Variants in NCOR2 observed in about 807,000 individuals in gnomAD.
NCOR2 encodes the protein CTG repeat protein 26.
Under a neutral mutation model 262.9 loss-of-function variants are expected in NCOR2, and 81 were observed. That is an observed-to-expected ratio of 0.31 (90% CI 0.26 to 0.37). The LOEUF (loss-of-function observed/expected upper bound fraction) is 0.37. NCOR2 is among the 10% of genes least tolerant of loss of function. The pLI is 1.00. For synonymous variants in NCOR2, 1,659 were observed against 1,559.3 expected (o/e 1.06, Z -1.51); for missense variants, 3,385 against 3,621.4 (o/e 0.93, Z 1.68).
At position 124,512,253 on chromosome 12, in the gene NCOR2, G is replaced by A. The variant is rs549744610; in HGVS notation, c.-117-16885C>T. Among the ~76,000 whole-genome samples, 3 of 152,336 alleles carry A rather than the reference G, an allele frequency of 2.0e-5. No homozygotes were observed. The East Asian group carries it at 5.8e-4, about 29-fold the overall frequency. On this transcript the variant is annotated intron_variant, in intron 1 of 46. Transcript: ENST00000404621. ...TCTCTAACAGTTCTGGAGCCTGGAAGTCCAAAATCAAGGCGTCAGCAGGAC... is the reference window on the plus strand; with the variant it reads ...TCTCTAACAGTTCTGGAGCCTGGAAATCCAAAATCAAGGCGTCAGCAGGAC...
At chr12:124,349,986 C>T (rs1174039473) in intron 28 of NCOR2, among the ~76,000 whole-genome samples, 5 of 152,180 alleles carry the variant, frequency 3.3e-5, no homozygotes, top group East Asian at 1.9e-4. Context: ...CGGGCACAGG[C>T]GGAAGTGGAT....
chr12:124,374,711 C>A (rs1169011696), intron 18 of NCOR2, among the ~76,000 whole-genome samples: 1 of 152,264 alleles, frequency 6.6e-6, no homozygotes, highest in Non-Finnish European at 1.5e-5. Flanking sequence ...CTGTTCAAGG[C>A]CAGCCAATAA....
At chr12:124,496,480 G>A (rs2048387881), upstream of NCOR2, among the ~76,000 whole-genome samples, 1 of 152,176 alleles carries the variant, frequency 6.6e-6, no homozygotes, top group African/African-American at 2.4e-5. The surrounding 1 kb of genome is among the most constrained non-coding windows in gnomAD (Gnocchi z 4.4). Context: ...CTGGATGTGG[G>A]CCTCCAGTGG....
At chr12:124,392,088 C>G (rs1467174136) in intron 16 of NCOR2, among the ~76,000 whole-genome samples, 1 of 152,222 alleles carries the variant, frequency 6.6e-6, no homozygotes, top group Non-Finnish European at 1.5e-5. Context: ...TCGTGAGCAC[C>G]AGCCACGCCA....
chr12:124,334,391 G>A (rs1399417006), intron 41 of NCOR2, 33 bp downstream of exon 43: 15 of 1,488,248 alleles, frequency 1.0e-5, no homozygotes, highest in Non-Finnish European at 1.4e-5. Flanking sequence ...CCCGCCGGCT[G>A]ACCAGCAAGA....
intron 5 of NCOR2, among the ~76,000 whole-genome samples, chr12:124,460,477 C>A (rs1040571558): frequency 1.1e-4 from 16 of 152,226 alleles, no homozygotes; most frequent in African/African-American, 3.9e-4. Context: ...GGGCCCAGCA[C>A]AGGGTTGAGG....
At chr12:124,558,273 C>T (rs1048567011) in intron 1 of NCOR2, among the ~76,000 whole-genome samples, 3 of 151,236 alleles carry the variant, frequency 2.0e-5, no homozygotes, top group African/African-American at 4.9e-5. Context: ...CCCACCCCCC[C>T]TCCAGACCTG....
intron 16 of NCOR2, chr12:124,388,813 T>C (rs2041029198): frequency 1.5e-6 from 2 of 1,291,840 alleles, no homozygotes; most frequent in African/African-American, 1.5e-5. Context: ...AGGCTGCTGG[T>C]TGGCGTCTGC....
chr12:124,362,241 A>AGCT, exon 22 of NCOR2: 1 of 1,313,248 alleles, frequency 7.6e-7, no homozygotes, highest in Non-Finnish European at 9.7e-7. Context: ...GGGCTGGGGG[A>AGCT]GCTGGCTTGG....
intron 3 of NCOR2, among the ~76,000 whole-genome samples, chr12:124,475,276 C>A (rs2047046950): frequency 6.6e-6 from 1 of 152,176 alleles, no homozygotes; most frequent in Admixed American, 6.5e-5. Flanking sequence ...CCCCCAGGGA[C>A]ACCTAGAAAT....
chr12:124,484,665 GC>G (rs1288885384), intron 2 of NCOR2, among the ~76,000 whole-genome samples: 1 of 152,180 alleles, frequency 6.6e-6, no homozygotes, highest in Non-Finnish European at 1.5e-5. Context: ...GAGACCTCAG[GC>G]CCTCCATGTG....
intron 13 of NCOR2, among the ~76,000 whole-genome samples, chr12:124,404,078 G>T (rs562532630): frequency 6.6e-6 from 1 of 152,232 alleles, no homozygotes; most frequent in Non-Finnish European, 1.5e-5. Context: ...CAAACGTAAC[G>T]TTTAAACAGC....
At chr12:124,444,899 C>T (rs920426041) in intron 7 of NCOR2, among the ~76,000 whole-genome samples, 3 of 152,076 alleles carry the variant, frequency 2.0e-5, no homozygotes, top group Non-Finnish European at 2.9e-5. Flanking sequence ...GCAGTTAGGA[C>T]TGGTCTAGGA....
Position 124,400,490 on chromosome 12 carries a change from C to A in NCOR2, c.1813+11G>T. The A allele has an allele frequency of 6.2e-7, 1 of 1,608,812 alleles. No homozygotes were observed. Among genetic ancestry groups the A allele is most frequent in the Non-Finnish European group, 8.5e-7 (1 of 1,176,152 alleles). ...CCCCTTCCCCACCCGCATCCCTGGC[C>A]CCCAGCTCACCCAGCTCGGCGCTCT... On this transcript the variant is annotated intron_variant, in intron 15 of 46. Coordinates refer to ENST00000405201, the Ensembl canonical transcript of NCOR2.
chr12:124,425,139 C>T (rs2043458680), intron 11 of NCOR2, among the ~76,000 whole-genome samples: 1 of 152,152 alleles, frequency 6.6e-6, no homozygotes. Context: ...CTTTGGGAGG[C>T]CGAGACGGGC....
chr12:124,466,527 G>A (rs1182846297), intron 4 of NCOR2, among the ~76,000 whole-genome samples: 1 of 152,144 alleles, frequency 6.6e-6, no homozygotes, highest in Admixed American at 6.5e-5. Flanking sequence ...TTCGTGACTT[G>A]CCAGCCAGGG....
intron 5 of NCOR2, among the ~76,000 whole-genome samples, chr12:124,459,641 C>T (rs536644536): frequency 3.3e-5 from 5 of 152,314 alleles, no homozygotes; most frequent in South Asian, 4.1e-4. Context: ...TCTGCAAGGA[C>T]GTTCTGCAGG....
intron 1 of NCOR2, among the ~76,000 whole-genome samples, chr12:124,516,796 C>T (rs1003281178): frequency 1.3e-5 from 2 of 151,978 alleles, no homozygotes; most frequent in Non-Finnish European, 2.9e-5. Context: ...CCCAGGGGCC[C>T]CCCACCCTCA....
At chr12:124,420,681 G>C (rs576095125) in intron 12 of NCOR2, among the ~76,000 whole-genome samples, 1 of 152,330 alleles carries the variant, frequency 6.6e-6, no homozygotes, top group African/African-American at 2.4e-5. Context: ...CGGCCAAATG[G>C]GACGAGTAAA....
Sources: allele counts gnomAD v4.1 joint callset (sites outside exome capture counted in the v4.1 genomes callset), GRCh38; gene constraint gnomAD v4.1.1; non-coding constraint Gnocchi (gnomAD v3.1); transcripts MANE v1.5; gene names NCBI Gene and HGNC (gene_info 2026-07-23, HGNC 2026-07-21).